Variants in PLB1 observed in about 807,000 individuals in gnomAD.
PLB1 encodes phospholipase B1, membrane-associated.
PLB1 carries 242 observed loss-of-function variants against 227.4 expected under a neutral mutation model. The observed-to-expected ratio is 1.06, with a 90% CI of 0.96 to 1.18. PLB1 has a LOEUF of 1.18. PLB1 is among the 50% of genes most tolerant of loss of function. The pLI is 0.00. For missense variants in PLB1, 1,858 were observed against 1,816.3 expected (o/e 1.02, Z -0.42); for synonymous variants, 757 against 682.2 (o/e 1.11, Z -1.71).
intron 4 of PLB1, among the ~76,000 whole-genome samples, chr2:28,520,679 A>G (rs1034116397): frequency 1.3e-5 from 2 of 152,118 alleles, no homozygotes; most frequent in Admixed American, 6.5e-5. Flanking sequence ...GGTACCTCAT[A>G]TAAGTGAAAT....
intron 21 of PLB1, among the ~76,000 whole-genome samples, chr2:28,577,326 T>C (rs892396793): frequency 3.3e-5 from 5 of 152,200 alleles, no homozygotes; most frequent in African/African-American, 7.2e-5. Flanking sequence ...TTAAGTCACT[T>C]TCACACTGTT....
intron 2 of PLB1, 43 bp from the exon 3 acceptor site, chr2:28,518,423 A>G (rs978489956): frequency 4.1e-6 from 6 of 1,453,724 alleles, no homozygotes; most frequent in African/African-American, 2.8e-5. Context: ...CAATATTTCT[A>G]TACAAGGCAG....
intron 52 of PLB1, 70 bp downstream of exon 52, chr2:28,628,698 T>G: frequency 6.9e-7 from 1 of 1,455,894 alleles, no homozygotes; most frequent in Non-Finnish European, 9.6e-7. Flanking sequence ...GCAGGCTGTG[T>G]TCAGTGAGAT....
chr2:28,570,490 A>G (rs2338442), intron 20 of PLB1, among the ~76,000 whole-genome samples: 18,329 of 149,098 alleles, frequency 0.12, 1,590 homozygotes, highest in East Asian at 0.29. Context: ...TTAATGATAG[A>G]AACACTCAAC....
Position 28,632,037 on chromosome 2 carries a change from A to G in PLB1, c.3899A>G (p.His1300Arg), listed in dbSNP as rs934676617. 5 of 1,613,052 alleles carry G rather than the reference A, an allele frequency of 3.1e-6. No individual in the cohort carries two copies. Among genetic ancestry groups the G allele is most frequent in the African/African-American group, 2.7e-5 (2 of 74,884 alleles). ...AGCAGCTTCTCTCTCTGTCCCCAGC[A>G]TGGCATCTCCAGTTTCTCCTACTGG... is the stretch of plus-strand genomic sequence containing the variant. ...ELKKVNWNLQ[H>R]GISSFSYWHQ... Residue 1300 changes from histidine to arginine, a missense_variant and splice_region_variant, in exon 55 of 58, where the codon CAT (histidine) becomes CGT (arginine). By Grantham distance (29) the His-to-Arg change is conservative (BLOSUM62 0). Transcript: ENST00000327757.
At chr2:28,498,845 T>C (rs1232345322) in intron 1 of PLB1, among the ~76,000 whole-genome samples, 2 of 152,242 alleles carry the variant, frequency 1.3e-5, no homozygotes, top group Non-Finnish European at 2.9e-5. Context: ...AATTTCCATG[T>C]AAATTGTACT....
chr2:28,559,312 G>A (rs1429056419), intron 17 of PLB1, among the ~76,000 whole-genome samples: 2 of 152,214 alleles, frequency 1.3e-5, no homozygotes, highest in African/African-American at 4.8e-5. Context: ...CAAAAATTCT[G>A]AAGGTGGGGC....
intron 53 of PLB1, among the ~76,000 whole-genome samples, chr2:28,630,000 G>GCT (rs1189462486): frequency 6.6e-6 from 1 of 152,184 alleles, no homozygotes; most frequent in Admixed American, 6.5e-5. Context: ...AGGGAACCCT[G>GCT]CTCTCTCGCA....
At chr2:28,538,757 C>T (rs1412882256) in intron 10 of PLB1, among the ~76,000 whole-genome samples, 1 of 152,172 alleles carries the variant, frequency 6.6e-6, no homozygotes, top group Non-Finnish European at 1.5e-5. Context: ...CTGGGGGTTG[C>T]TGTGGCCCTG....
chr2:28,524,229 T>C (rs1465397799), intron 4 of PLB1, among the ~76,000 whole-genome samples: 1 of 152,162 alleles, frequency 6.6e-6, no homozygotes, highest in Non-Finnish European at 1.5e-5. Flanking sequence ...AGATACTGTC[T>C]TCTAGGAATT....
In PLB1 at chr2:28,602,883, C is replaced by T. The variant is rs746683120; in HGVS notation, c.2736C>T (p.Phe912=). The change falls in exon 39 of 58, where the codon TTC becomes TTT. Residue 912 remains phenylalanine, a synonymous_variant. Coordinates refer to ENST00000327757, the MANE Select transcript of PLB1 (RefSeq NM_153021.5). ...ACCCCACTATCATGCGGCAGGTGTT[C>T]CTGGGAAACCCAGACAAGTGCCCAG... is the stretch of plus-strand genomic sequence containing the variant. ...FLNPTIMRQV[F]LGNPDKCPVQ... The T allele has an allele frequency of 3.7e-6, 6 of 1,614,192 alleles. No individual in the cohort carries two copies. The African/African-American group carries it at 4.0e-5, about 11-fold the overall frequency.
intron 13 of PLB1, among the ~76,000 whole-genome samples, chr2:28,542,985 A>G (rs1672718152): frequency 6.6e-6 from 1 of 152,210 alleles, no homozygotes; most frequent in East Asian, 1.9e-4. Flanking sequence ...CCATGATGAC[A>G]TGGAGCTGCC....
At chr2:28,507,918 A>G (rs1000778962) in intron 1 of PLB1, among the ~76,000 whole-genome samples, 1 of 152,168 alleles carries the variant, frequency 6.6e-6, no homozygotes, top group Non-Finnish European at 1.5e-5. Context: ...TGTTTTTTGT[A>G]ATCAGACTAG....
intron 20 of PLB1, among the ~76,000 whole-genome samples, chr2:28,571,651 G>T (rs1417191734): frequency 6.6e-6 from 1 of 152,122 alleles, no homozygotes; most frequent in Admixed American, 6.6e-5. Flanking sequence ...CATATTCATG[G>T]TTAACTCATT....
chr2:28,617,596 C>G lies in PLB1; in HGVS notation c.3196-131C>G, dbSNP rs933773249. On this transcript the variant is annotated intron_variant, in intron 44 of 57. Transcript: ENST00000327757. ...CCACCTATAACTCACAGTTCTTTCCCTCACATGATCCTGTATGGTGACTCA... is the reference window on the plus strand; with the variant it reads ...CCACCTATAACTCACAGTTCTTTCCGTCACATGATCCTGTATGGTGACTCA... 4.7e-6 allele frequency: 4 copies of G among 852,178 alleles called. No homozygotes were observed. In the Admixed American group the frequency reaches 5.8e-5, roughly 12 times the overall value. 52.8% of individuals were successfully genotyped at this position (852,178 alleles called of 1,614,324 possible).
intron 43 of PLB1, among the ~76,000 whole-genome samples, chr2:28,611,792 T>C (rs1051169443): frequency 2.0e-5 from 3 of 152,130 alleles, no homozygotes; most frequent in Non-Finnish European, 4.4e-5. Flanking sequence ...TCTTATGCTG[T>C]TGTAGAGGGT....
At chr2:28,610,387 G>A (rs1365206022) in intron 43 of PLB1, among the ~76,000 whole-genome samples, 1 of 151,926 alleles carries the variant, frequency 6.6e-6, no homozygotes, top group Admixed American at 6.6e-5. Context: ...CTGAGCTCAA[G>A]CAATCTTCCC....
At chr2:28,561,486 A>G (rs1676051916) in intron 17 of PLB1, among the ~76,000 whole-genome samples, 1 of 152,270 alleles carries the variant, frequency 6.6e-6, no homozygotes, top group Admixed American at 6.5e-5. Flanking sequence ...ATTTATAGCA[A>G]TACTAGTCAC....
chr2:28,621,406 G>T (rs930618210), intron 49 of PLB1, among the ~76,000 whole-genome samples: 8 of 152,178 alleles, frequency 5.3e-5, no homozygotes, highest in Admixed American at 4.6e-4. Flanking sequence ...ATGACCCGGG[G>T]GATAGCTGCC....
Sources: gnomAD v4.1 joint callset for allele counts (sites outside exome capture counted in the v4.1 genomes callset) on GRCh38, gnomAD v4.1.1 for gene constraint, MANE v1.5 for transcripts, NCBI Gene and HGNC (gene_info 2026-07-23, HGNC 2026-07-21) for gene names.